The following MGMT variants were observed in gnomAD, a reference collection of about 807,000 sequenced individuals.
The protein encoded by MGMT is O-6-methylguanine-DNA methyltransferase, also known as methylated-DNA--protein-cysteine methyltransferase.
Under a neutral mutation model 15.9 loss-of-function variants are expected in MGMT, and 14 were observed. That is an observed-to-expected ratio of 0.88 (90% CI 0.58 to 1.37). The LOEUF (loss-of-function observed/expected upper bound fraction) is 1.37, where lower values mean the gene tolerates loss of function less well. Ranked by LOEUF, MGMT falls within the 40% of genes most tolerant of loss-of-function variation. MGMT has a pLI of 0.00. For synonymous variants in MGMT, 130 were observed against 118.2 expected (o/e 1.10, Z -0.65); for missense variants, 282 against 268.1 (o/e 1.05, Z -0.36).
intron 2 of MGMT, among the ~76,000 whole-genome samples, chr10:129,704,372 G>A (rs187592074): frequency 3.3e-5 from 5 of 152,166 alleles, no homozygotes; most frequent in African/African-American, 4.8e-5. Flanking sequence ...TCTTTGTGAC[G>A]GGACCGACAA....
intron 1 of MGMT, among the ~76,000 whole-genome samples, chr10:129,479,060 C>A (rs563432550): frequency 6.6e-6 from 1 of 152,184 alleles, no homozygotes; most frequent in African/African-American, 2.4e-5. Flanking sequence ...TTCGTAAACA[C>A]GGTTCTGTGA....
chr10:129,475,339 G>T (rs1845278971), intron 1 of MGMT, among the ~76,000 whole-genome samples: 1 of 152,138 alleles, frequency 6.6e-6, no homozygotes, highest in South Asian at 2.1e-4. Flanking sequence ...GGCTGTGTGT[G>T]TCTGGGTGAT....
intron 2 of MGMT, among the ~76,000 whole-genome samples, chr10:129,569,100 G>A (rs146839224): frequency 0.012 from 1,865 of 152,308 alleles, 38 homozygotes; most frequent in Non-Finnish European, 0.013. Flanking sequence ...CCCACACTCC[G>A]GCTCGGCCAC....
At chr10:129,470,117 G>A (rs1182742011) in intron 1 of MGMT, among the ~76,000 whole-genome samples, 1 of 152,198 alleles carries the variant, frequency 6.6e-6, no homozygotes, top group Admixed American at 6.5e-5. Context: ...AGACACTCAT[G>A]ATGCACAAGC....
Position 129,680,891 on chromosome 10 carries a change from G to A in MGMT, c.126-27004G>A, listed in dbSNP as rs542447659. Among the ~76,000 whole-genome samples, 16 of 152,310 alleles carry A rather than the reference G, an allele frequency of 1.1e-4. No individual in the cohort carries two copies. The South Asian group carries it at 3.3e-3, about 32-fold the overall frequency. ...CACAGGGGCCTTGGGCACGCTGTGT[G>A]GACGCTGCCTGTGCGTGCTTCCTGA... On this transcript the variant is annotated intron_variant, in intron 2 of 4. Coordinates refer to ENST00000651593, the MANE Select transcript of MGMT (RefSeq NM_002412.5).
intron 1 of MGMT, among the ~76,000 whole-genome samples, chr10:129,484,641 T>A (rs1199588480): frequency 6.6e-6 from 1 of 152,216 alleles, no homozygotes; most frequent in African/African-American, 2.4e-5. Context: ...ATCCCTCTGC[T>A]TCTCATGTGT....
rs58145914 is a variant in MGMT, at chr10:129,493,319, G to A, written c.-13+26023G>A. ...GGAGGCCCCAGTGGAGCGTCTGGAGGTCATGAGGTGTGCACCTTCTCTGCT... is the reference window on the plus strand; with the variant it reads ...GGAGGCCCCAGTGGAGCGTCTGGAGATCATGAGGTGTGCACCTTCTCTGCT... On this transcript the variant is annotated intron_variant, in intron 1 of 4. Transcript: ENST00000651593. Among the ~76,000 whole-genome samples, 411 of 152,212 alleles carry A rather than the reference G, an allele frequency of 2.7e-3. 4 individuals carry two copies. Among genetic ancestry groups the A allele is most frequent in the African/African-American group, 9.5e-3 (394 of 41,530 alleles).
chr10:129,696,628 C>G (rs1045720737), intron 2 of MGMT, among the ~76,000 whole-genome samples: 1 of 152,250 alleles, frequency 6.6e-6, no homozygotes, highest in Non-Finnish European at 1.5e-5. Flanking sequence ...TTTCAGTGCA[C>G]GTGCTCCGGA....
chr10:129,760,764 A>AAAATATCCC (rs1432054458), intron 4 of MGMT, among the ~76,000 whole-genome samples: 1 of 149,812 alleles, frequency 6.7e-6, no homozygotes, highest in Non-Finnish European at 1.5e-5. Flanking sequence ...CTACCCTATT[A>AAAATATCCC]AAATATCCCA....
intron 1 of MGMT, among the ~76,000 whole-genome samples, chr10:129,516,906 T>C (rs1423995323): frequency 8.5e-5 from 13 of 152,238 alleles, no homozygotes; most frequent in Non-Finnish European, 1.9e-4. Context: ...AGTGGAGACC[T>C]TTGAGAATTT....
chr10:129,558,735 C>T (rs78877238), intron 2 of MGMT, among the ~76,000 whole-genome samples: 4,953 of 152,212 alleles, frequency 0.033, 130 homozygotes, highest in South Asian at 0.065. Flanking sequence ...CAGGCAGCCC[C>T]GCTCCACACC....
At chr10:129,663,562 T>A (rs1197721170) in intron 2 of MGMT, among the ~76,000 whole-genome samples, 4 of 151,946 alleles carry the variant, frequency 2.6e-5, no homozygotes, top group African/African-American at 9.7e-5. Context: ...TTGAAAAAAA[T>A]TTAAACAGAC....
chr10:129,642,349 G>A (rs1259222567), intron 2 of MGMT, among the ~76,000 whole-genome samples: 1 of 152,062 alleles, frequency 6.6e-6, no homozygotes, highest in Non-Finnish European at 1.5e-5. Context: ...TCTGCATTTG[G>A]GAATATTCTG....
chr10:129,693,276 A>C (rs1000418225), intron 2 of MGMT, among the ~76,000 whole-genome samples: 1 of 152,212 alleles, frequency 6.6e-6, no homozygotes, highest in Non-Finnish European at 1.5e-5. Flanking sequence ...TTAAAGATGA[A>C]TATCTCACTA....
At chr10:129,503,920 G>A (rs558148948) in intron 1 of MGMT, among the ~76,000 whole-genome samples, 2 of 152,174 alleles carry the variant, frequency 1.3e-5, no homozygotes, top group East Asian at 1.9e-4. Context: ...GTTTAAAGGC[G>A]GTTTTAGAAA....
chr10:129,712,942 C>T (rs1221600078), intron 3 of MGMT, among the ~76,000 whole-genome samples: 2 of 152,094 alleles, frequency 1.3e-5, no homozygotes, highest in Non-Finnish European at 2.9e-5. Context: ...TCCTAGGGCC[C>T]GTTTGGGTGT....
chr10:129,760,827 A>G (rs970254246), intron 4 of MGMT, among the ~76,000 whole-genome samples: 8 of 152,146 alleles, frequency 5.3e-5, no homozygotes, highest in African/African-American at 1.9e-4. Context: ...CACCTCCTCC[A>G]TCTCTTCCTG....
rs11016896 is a variant in MGMT at position 129,731,655 on chromosome 10, A to G, written c.274+23612A>G. 3.9e-3 allele frequency among the ~76,000 whole-genome samples: 590 copies of G among 152,046 alleles called. 2 individuals are homozygous for G. Among genetic ancestry groups the G allele is most frequent in the Non-Finnish European group, 6.5e-3 (442 of 67,974 alleles). Reference sequence around the variant, plus strand: ...GTGATCCACCTGCCTCGGCCTCCCAAAGTGCTGGGATTACAGGCCTGAGCC... The same window carrying G: ...GTGATCCACCTGCCTCGGCCTCCCAGAGTGCTGGGATTACAGGCCTGAGCC... On this transcript the variant is annotated intron_variant, in intron 3 of 4. Transcript: ENST00000651593.
intron 2 of MGMT, among the ~76,000 whole-genome samples, chr10:129,604,475 C>T (rs1053372162): frequency 6.6e-6 from 1 of 152,228 alleles, no homozygotes; most frequent in African/African-American, 2.4e-5. Flanking sequence ...TGAAAACGTG[C>T]TTTCTCAGAT....
Sources: allele counts gnomAD v4.1 joint callset (sites outside exome capture counted in the v4.1 genomes callset), GRCh38; gene constraint gnomAD v4.1.1; transcripts MANE v1.5; gene names NCBI Gene and HGNC (gene_info 2026-07-23, HGNC 2026-07-21).